Variants in CCDC102B observed in about 807,000 individuals in gnomAD.
CCDC102B encodes coiled-coil domain containing 102B.
Under a neutral mutation model 57.4 loss-of-function variants are expected in CCDC102B, and 75 were observed. That is an observed-to-expected ratio of 1.31 (90% confidence interval 1.08 to 1.58). The LOEUF (loss-of-function observed/expected upper bound fraction) is 1.58. Ranked by LOEUF, CCDC102B falls within the 40% of genes most tolerant of loss-of-function variation. CCDC102B has a pLI of 0.00. For missense variants in CCDC102B, 636 were observed against 582.6 expected (o/e 1.09, Z -0.94); for synonymous variants, 206 against 201.9 (o/e 1.02, Z -0.17).
intron 1 of CCDC102B, among the ~76,000 whole-genome samples, chr18:68,813,413 T>C (rs971391594): frequency 2.6e-5 from 4 of 150,956 alleles, no homozygotes; most frequent in Admixed American, 2.0e-4. Context: ...GATAGAATGA[T>C]AGGGGAGAGG....
At chr18:68,858,228 C>A (rs1462493683) in intron 4 of CCDC102B, among the ~76,000 whole-genome samples, 1 of 152,150 alleles carries the variant, frequency 6.6e-6, no homozygotes, top group Non-Finnish European at 1.5e-5. Flanking sequence ...ACAGTGTTTA[C>A]TTTTTTCTTC....
chr18:68,990,691 C>T (rs180917065), intron 6 of CCDC102B, among the ~76,000 whole-genome samples: 180 of 152,054 alleles, frequency 1.2e-3, no homozygotes, highest in Non-Finnish European at 2.1e-3. Flanking sequence ...TATAATTTTC[C>T]GCTTGAAGAA....
At chr18:68,994,843 G>A (rs1266507651) in intron 6 of CCDC102B, among the ~76,000 whole-genome samples, 1 of 152,166 alleles carries the variant, frequency 6.6e-6, no homozygotes, top group African/African-American at 2.4e-5. Context: ...AATTGCTACT[G>A]CAGACAGTAG....
intron 6 of CCDC102B, among the ~76,000 whole-genome samples, chr18:68,904,969 G>T (rs1200310079): frequency 1.3e-5 from 2 of 151,972 alleles, no homozygotes; most frequent in Non-Finnish European, 2.9e-5. Context: ...CCTCATAACT[G>T]TGTGTTAAAT....
intron 7 of CCDC102B, among the ~76,000 whole-genome samples, chr18:69,038,973 C>G (rs986047614): frequency 6.6e-6 from 1 of 151,898 alleles, no homozygotes; most frequent in Non-Finnish European, 1.5e-5. Flanking sequence ...TTCCTTTCAT[C>G]AGTTGCTCTT....
At chr18:68,904,369 A>T (rs1266294382) in intron 6 of CCDC102B, among the ~76,000 whole-genome samples, 1 of 152,232 alleles carries the variant, frequency 6.6e-6, no homozygotes, top group African/African-American at 2.4e-5. Flanking sequence ...GCTTGCAGGA[A>T]GTGCTAAGCT....
intron 7 of CCDC102B, among the ~76,000 whole-genome samples, chr18:69,019,998 G>A (rs2051783870): frequency 6.6e-6 from 1 of 151,796 alleles, no homozygotes; most frequent in Non-Finnish European, 1.5e-5. Context: ...CTGTTAATGT[G>A]GTATATCACA....
chr18:68,897,114 G>GGACA (rs1246840173), intron 5 of CCDC102B, 105 bp from the exon 6 acceptor site: 1 of 780,710 alleles, frequency 1.3e-6, no homozygotes, highest in Non-Finnish European at 2.1e-6. Context: ...TTGTATCAGT[G>GGACA]GACATATCCA....
In CCDC102B at chr18:68,916,959, G is replaced by T. The variant is rs187835274; in HGVS notation, c.1263+19531G>T. On this transcript the variant is annotated intron_variant, in intron 6 of 7. Coordinates refer to ENST00000360242, the MANE Select transcript of CCDC102B (RefSeq NM_024781.3). ...AATGCCAATGTGACTAGAGTGAGTC[G>T]GTGAGCACAGAGGTGCAGGCCCCAG... Among the ~76,000 whole-genome samples, 466 of 152,192 alleles carry T rather than the reference G, an allele frequency of 3.1e-3. 1 individual carries two copies. Among genetic ancestry groups the T allele is most frequent in the Non-Finnish European group, 4.5e-3 (305 of 67,990 alleles).
intron 6 of CCDC102B, among the ~76,000 whole-genome samples, chr18:68,932,975 A>C (rs2041726253): frequency 6.6e-6 from 1 of 151,866 alleles, no homozygotes; most frequent in South Asian, 2.1e-4. Context: ...ATTCATTAGT[A>C]TTTTTGACTA....
chr18:68,856,297 TTCTTC>T (rs2038383137), intron 4 of CCDC102B, among the ~76,000 whole-genome samples: 1 of 152,174 alleles, frequency 6.6e-6, no homozygotes, highest in African/African-American at 2.4e-5. Context: ...TATCATTTTT[TTCTTC>T]TCTTAAGACA....
intron 6 of CCDC102B, among the ~76,000 whole-genome samples, chr18:68,944,484 C>T (rs1178765064): frequency 2.0e-5 from 3 of 150,876 alleles, no homozygotes; most frequent in South Asian, 2.1e-4. Context: ...TCCTGGTTGG[C>T]AGATGGGTAT....
At chr18:68,946,915 CAAT>C (rs926434194) in intron 6 of CCDC102B, among the ~76,000 whole-genome samples, 2 of 151,776 alleles carry the variant, frequency 1.3e-5, no homozygotes, top group Middle Eastern at 3.4e-3. Context: ...TAAATTATTT[CAAT>C]AATAATAATC....
chr18:68,810,264 TTTAGTC>T (rs1474563087), intron 1 of CCDC102B, among the ~76,000 whole-genome samples: 16 of 152,190 alleles, frequency 1.1e-4, no homozygotes, highest in African/African-American at 3.9e-4. Context: ...GATTTTAGTC[TTTAGTC>T]TTTTTTTTAA....
rs57226048 is a variant in CCDC102B, at chr18:69,022,193, CTATATATATA to C, written c.1434+11110_1434+11119del. On this transcript the variant is annotated intron_variant, in intron 7 of 7. Coordinates refer to ENST00000360242, the MANE Select transcript of CCDC102B (RefSeq NM_024781.3). The stretch of plus-strand genomic sequence containing the variant: ...TTTATTAGACCCATTATCCTTTAGC[CTATATATATA>C]TATATATATATATATATATAACACA... Among the ~76,000 whole-genome samples, 312 of 142,082 alleles carry C rather than the reference CTATATATATA, an allele frequency of 2.2e-3. 2 individuals are homozygous for C. Among genetic ancestry groups the C allele is most frequent in the African/African-American group, 8.3e-3 (290 of 35,008 alleles). The allele number at this position is 142,082 out of a possible 152,430, so 93.2% of individuals were successfully genotyped here.
intron 5 of CCDC102B, among the ~76,000 whole-genome samples, chr18:68,895,961 G>A (rs930302211): frequency 1.3e-5 from 2 of 151,876 alleles, no homozygotes; most frequent in African/African-American, 4.8e-5. Flanking sequence ...TTACCACAGT[G>A]TTTCTCCTTT....
chr18:69,045,196 A>G (rs2052530175), intron 7 of CCDC102B, among the ~76,000 whole-genome samples: 1 of 152,082 alleles, frequency 6.6e-6, no homozygotes, highest in Non-Finnish European at 1.5e-5. Flanking sequence ...ATTGGAGGGA[A>G]CACAATTCAG....
chr18:68,828,173 C>G (rs905647110), intron 1 of CCDC102B, among the ~76,000 whole-genome samples: 1 of 151,694 alleles, frequency 6.6e-6, no homozygotes, highest in East Asian at 1.9e-4. Flanking sequence ...AATGACTACA[C>G]AGAATATCAG....
intron 6 of CCDC102B, among the ~76,000 whole-genome samples, chr18:68,986,096 C>A (rs1192254453): frequency 8.5e-5 from 13 of 152,122 alleles, no homozygotes; most frequent in Admixed American, 8.5e-4. Flanking sequence ...AAAACTGTTA[C>A]CATTCCTACT....
Sources: allele counts gnomAD v4.1 joint callset (sites outside exome capture counted in the v4.1 genomes callset), GRCh38; gene constraint gnomAD v4.1.1; transcripts MANE v1.5; gene names NCBI Gene and HGNC (gene_info 2026-07-23, HGNC 2026-07-21).